GATB: variants seen among roughly 807,000 people sequenced by gnomAD.
GATB encodes glutamyl-tRNA(Gln) amidotransferase subunit B, mitochondrial.
In GATB, 39 loss-of-function variants were observed where a neutral mutation model predicts 62.3. The observed-to-expected ratio is 0.63, with a 90% confidence interval of 0.48 to 0.82. The LOEUF (loss-of-function observed/expected upper bound fraction) is 0.82, where lower values mean the gene tolerates loss of function less well. GATB is among the 40% of genes least tolerant of loss of function. The probability of loss-of-function intolerance (pLI) is 0.00; values close to 1 mark genes in which losing one functional copy is unlikely to be tolerated. For synonymous variants in GATB, 276 were observed against 258.9 expected, an observed-to-expected ratio of 1.07 and a Z score of -0.63; for missense variants, 670 against 684.0, an observed-to-expected ratio of 0.98 and a Z score of 0.23.
intron 2 of GATB, among the ~76,000 whole-genome samples, chr4:151,736,399 T>G (rs1468622423): frequency 6.6e-6 from 1 of 152,228 alleles, no homozygotes; most frequent in African/African-American, 2.4e-5. Flanking sequence ...CAAAGCTGTA[T>G]GTGTGTCTTA....
At chr4:151,682,453 T>C (rs1164110691) in intron 10 of GATB, among the ~76,000 whole-genome samples, 1 of 152,186 alleles carries the variant, frequency 6.6e-6, no homozygotes, top group Non-Finnish European at 1.5e-5. Context: ...TGTCAGGTAA[T>C]ACTGGTTTCT....
intron 2 of GATB, among the ~76,000 whole-genome samples, chr4:151,725,023 A>C (rs1739110720): frequency 1.3e-5 from 2 of 152,236 alleles, no homozygotes; most frequent in Admixed American, 1.3e-4. Context: ...ATTACACATG[A>C]GAGAAGAGCT....
chr4:151,701,885 G>A (rs769723756), intron 8 of GATB, among the ~76,000 whole-genome samples: 3 of 152,176 alleles, frequency 2.0e-5, no homozygotes, highest in South Asian at 2.1e-4. Context: ...AGGTGATTTC[G>A]TCATGGGACC....
In GATB at chr4:151,670,584, C is replaced by A. The variant is rs564333678; in HGVS notation, c.*590G>T. On this transcript the variant is annotated 3_prime_UTR_variant, in exon 13 of 13. Transcript: ENST00000263985. ...ACAGGCAATATCACTTCTACTCAGTCGATAGGTTGATTAATTCTAATAATA... is the reference window on the plus strand; with the variant it reads ...ACAGGCAATATCACTTCTACTCAGTAGATAGGTTGATTAATTCTAATAATA... The A allele has an allele frequency of 6.6e-6, 1 of 152,164 alleles. No homozygotes were observed. Among genetic ancestry groups the A allele is most frequent in the African/African-American group, 2.4e-5 (1 of 41,412 alleles). 9.4% of individuals were successfully genotyped at this position (152,164 alleles called of 1,614,324 possible).
At chr4:151,717,161 A>G (rs1738930813) in intron 3 of GATB, 87 bp from the exon 4 acceptor site, 1 of 1,266,158 alleles carries the variant, frequency 7.9e-7, no homozygotes, top group South Asian at 1.3e-5. Flanking sequence ...AATGTCACAC[A>G]ACGACAGGCC....
At chr4:151,756,813 G>T (rs1259958009) in intron 2 of GATB, among the ~76,000 whole-genome samples, 2 of 152,072 alleles carry the variant, frequency 1.3e-5, no homozygotes, top group East Asian at 1.9e-4. Flanking sequence ...TCTAATTTTT[G>T]ACCAAATTTA....
At chr4:151,735,241 A>G (rs1213369561) in intron 2 of GATB, among the ~76,000 whole-genome samples, 1 of 151,908 alleles carries the variant, frequency 6.6e-6, no homozygotes, top group Non-Finnish European at 1.5e-5. Context: ...GTAAGAAAAA[A>G]AAAAAAAAAC....
intron 11 of GATB, chr4:151,674,855 C>A (rs549368313): frequency 6.6e-6 from 1 of 152,338 alleles, no homozygotes; most frequent in South Asian, 2.1e-4. Flanking sequence ...GAAAAATCTA[C>A]GCAGCAGTTC....
intron 9 of GATB, among the ~76,000 whole-genome samples, chr4:151,697,127 T>C (rs1465471998): frequency 6.6e-6 from 1 of 152,170 alleles, no homozygotes; most frequent in Non-Finnish European, 1.5e-5. Flanking sequence ...ATCCCACTAC[T>C]GGGCAACTAG....
intron 5 of GATB, among the ~76,000 whole-genome samples, chr4:151,710,667 C>T (rs1279293355): frequency 1.3e-5 from 2 of 152,194 alleles, no homozygotes; most frequent in African/African-American, 2.4e-5. Flanking sequence ...ATCCTTCCTT[C>T]GTGAATTATC....
chr4:151,708,825 G>A (rs1232416075), intron 5 of GATB, among the ~76,000 whole-genome samples: 3 of 152,134 alleles, frequency 2.0e-5, no homozygotes, highest in African/African-American at 7.2e-5. Flanking sequence ...GACCCTGGAG[G>A]CCCCTCAGAT....
At chr4:151,729,559 C>A (rs908549773) in intron 2 of GATB, among the ~76,000 whole-genome samples, 1 of 151,948 alleles carries the variant, frequency 6.6e-6, no homozygotes, top group Non-Finnish European at 1.5e-5. Flanking sequence ...GAGATAGCTG[C>A]TAAGATATTT....
intron 2 of GATB, 193 bp from the exon 3 acceptor site, chr4:151,719,731 A>G (rs1302749203): frequency 6.6e-6 from 3 of 453,886 alleles, no homozygotes; most frequent in Non-Finnish European, 7.8e-6. Context: ...AAAGAAGAAA[A>G]TGTATGCAGC....
At chr4:151,700,563 C>T (rs528225201) in intron 9 of GATB, among the ~76,000 whole-genome samples, 88 of 152,160 alleles carry the variant, frequency 5.8e-4, no homozygotes, top group Non-Finnish European at 5.9e-4. Flanking sequence ...ATCCAGTTTC[C>T]GCAGATCCTG....
intron 2 of GATB, among the ~76,000 whole-genome samples, chr4:151,732,715 A>T (rs965413612): frequency 2.8e-4 from 32 of 116,346 alleles, no homozygotes; most frequent in East Asian, 2.3e-3. Flanking sequence ...AATGATCAAT[A>T]AAAAAAAAAA....
At chr4:151,684,433 C>A (rs1453061989) in intron 10 of GATB, among the ~76,000 whole-genome samples, 1 of 152,258 alleles carries the variant, frequency 6.6e-6, no homozygotes, top group African/African-American at 2.4e-5. Context: ...AAACATCAGT[C>A]TTCTGAGAGG....
intron 5 of GATB, among the ~76,000 whole-genome samples, chr4:151,713,593 G>A (rs1738861395): frequency 2.0e-5 from 3 of 152,082 alleles, no homozygotes; most frequent in African/African-American, 7.3e-5. Context: ...AATTATTTGG[G>A]AACATGTTTT....
chr4:151,685,384 C>T (rs1337879886), intron 10 of GATB, among the ~76,000 whole-genome samples: 1 of 152,210 alleles, frequency 6.6e-6, no homozygotes, highest in African/African-American at 2.4e-5. Flanking sequence ...TCATCCCCCA[C>T]ACACTGCAGA....
At position 151,677,379 on chromosome 4, in the gene GATB, A is replaced by G. The variant is rs113395945; in HGVS notation, c.1410+2434T>C. On this transcript the variant is annotated intron_variant, in intron 11 of 12. Transcript: ENST00000263985. The stretch of plus-strand genomic sequence containing the variant: ...GGCTATAGAATCAAAAAGATGGACA[A>G]TAACAAGTGCTGGTGAGGACATGGA... 7.2e-5 allele frequency: 11 copies of G among 152,382 alleles called. 1 individual carries two copies. The highest frequency in any genetic ancestry group is 2.6e-4 in the African/African-American group (11 of 41,594). The allele number at this position is 152,382 out of a possible 1,614,324, so 9.4% of individuals were successfully genotyped here. A position where few individuals can be genotyped will look rare whatever the true frequency, so the allele number is the denominator to read the frequency against.
Sources: allele counts gnomAD v4.1 joint callset (sites outside exome capture counted in the v4.1 genomes callset), GRCh38; gene constraint gnomAD v4.1.1; transcripts MANE v1.5; gene names NCBI Gene and HGNC (gene_info 2026-07-23, HGNC 2026-07-21).